Variants in CCDC183 observed in about 807,000 individuals in gnomAD.
CCDC183 encodes coiled-coil domain-containing protein 183.
Under a neutral mutation model 65.2 loss-of-function variants are expected in CCDC183, and 63 were observed. That is an observed-to-expected ratio of 0.97 (90% CI 0.79 to 1.19). The LOEUF (loss-of-function observed/expected upper bound fraction) is 1.19, where lower values mean the gene tolerates loss of function less well. Among genes scored for constraint, CCDC183 ranks in the 50% most tolerant of loss-of-function variants. The pLI, the probability that CCDC183 is intolerant of heterozygous loss-of-function variation, is 0.00. For missense variants in CCDC183, 769 were observed against 689.3 expected (o/e 1.12, Z -1.30); for synonymous variants, 323 against 276.5 (o/e 1.17, Z -1.67).
intron 1 of CCDC183, among the ~76,000 whole-genome samples, chr9:136,796,726 G>A (rs1847654153): frequency 6.6e-6 from 1 of 152,224 alleles, no homozygotes; most frequent in Admixed American, 6.5e-5. Flanking sequence ...GGGCCGTGCA[G>A]GATGTGCTTT....
intron 13 of CCDC183, 55 bp downstream of exon 13, chr9:136,807,121 C>A (rs1378400119): frequency 1.9e-6 from 3 of 1,548,186 alleles, no homozygotes; most frequent in African/African-American, 2.7e-5. Context: ...GAACACAGGT[C>A]GGGGTGGCGC....
At position 136,799,765 on chromosome 9, in the gene CCDC183, T is replaced by G. The variant is rs1485378947; in HGVS notation, c.245T>G (p.Leu82Arg). The change falls in exon 3 of 14, where the codon CTG becomes CGG. Residue 82 changes from leucine (L) to arginine (R), a missense_variant. Leu to Arg is a moderately radical substitution (Grantham distance 102). Coordinates refer to ENST00000338005, the MANE Select transcript of CCDC183 (RefSeq NM_001039374.5). ...KACGKNLPLR[L>R]AHCRSTMEVV... is the part of the protein sequence containing the mutation. Reference sequence around the variant, plus strand: ...TGCGGGAAAAACTTGCCTTTGCGACTGGCGCACTGCCGCAGCACCATGGAG... The same window carrying G: ...TGCGGGAAAAACTTGCCTTTGCGACGGGCGCACTGCCGCAGCACCATGGAG... The G allele has an allele frequency of 6.2e-7, 1 of 1,613,200 alleles. No homozygotes were observed. Among genetic ancestry groups the G allele is most frequent in the South Asian group, 1.1e-5 (1 of 91,082 alleles).
rs758109824 is a variant in CCDC183 at position 136,799,188 on chromosome 9, C to T, written c.157C>T (p.Arg53Cys). 5.0e-6 allele frequency: 8 copies of T among 1,610,654 alleles called. No homozygotes were observed. The highest frequency in any genetic ancestry group is 2.2e-5 in the East Asian group (1 of 44,874). Reference protein sequence around the residue: ...ATLALLRSNIRRGAQDWALAK... With the variant: ...ATLALLRSNICRGAQDWALAK... ...GCTGGCCCTCCTGCGCAGCAACATCCGCCGCGGGGCCCAGGACTGGGCTTT... is the reference window on the plus strand; with the variant it reads ...GCTGGCCCTCCTGCGCAGCAACATCTGCCGCGGGGCCCAGGACTGGGCTTT... Residue 53 changes from arginine (R) to cysteine (C), a missense_variant, in exon 2 of 14, where the codon CGC becomes TGC. Physicochemically the swap from Arg to Cys is radical, Grantham distance 180. Coordinates refer to ENST00000338005, the MANE Select transcript of CCDC183 (RefSeq NM_001039374.5).
intron 13 of CCDC183, 148 bp downstream of exon 13, chr9:136,807,214 G>A (rs2784098): frequency 0.8 from 557,343 of 696,078 alleles, 223,865 homozygotes; most frequent in East Asian, 0.87. Context: ...TTTAATTGAT[G>A]GAGGTGACTT....
rs1460455637 is a variant in CCDC183, at chr9:136,807,053, G to A, written c.1473G>A (p.Glu491=). The stretch of plus-strand genomic sequence containing the variant: ...CCAGGATCAGCTTTGAGAACCGGGA[G>A]GAGGATATGATCGGTACAGGCCCCG... ...YNTRISFENR[E]EDMIDTFQFP... The change falls in exon 13 of 14, where the codon GAG becomes GAA. Residue 491 remains glutamate (E), a synonymous_variant. Coordinates refer to ENST00000338005, the MANE Select transcript of CCDC183 (RefSeq NM_001039374.5). The A allele has an allele frequency of 6.2e-6, 10 of 1,613,260 alleles. No homozygotes were observed. The highest frequency in any genetic ancestry group is 1.7e-5 in the Admixed American group (1 of 60,024).
At chr9:136,796,830 G>T (rs1021087285) in intron 1 of CCDC183, among the ~76,000 whole-genome samples, 2 of 152,176 alleles carry the variant, frequency 1.3e-5, no homozygotes, top group Admixed American at 6.5e-5. Context: ...GCAGAAAGCC[G>T]CAGGGACCTC....
intron 13 of CCDC183, 181 bp from the exon 14 acceptor site, chr9:136,807,391 G>C: frequency 1.2e-6 from 1 of 812,836 alleles, no homozygotes; most frequent in Non-Finnish European, 1.9e-6. Context: ...CTGCGGGAAA[G>C]GCTAGGCAGG....
intron 5 of CCDC183, among the ~76,000 whole-genome samples, chr9:136,801,215 G>A (rs1270592769): frequency 6.6e-6 from 1 of 151,886 alleles, no homozygotes; most frequent in Non-Finnish European, 1.5e-5. Context: ...TCCCAGCCCA[G>A]GTGGCTCTCA....
At chr9:136,801,128 G>A (rs1429895030) in intron 5 of CCDC183, among the ~76,000 whole-genome samples, 1 of 152,178 alleles carries the variant, frequency 6.6e-6, no homozygotes, top group African/African-American at 2.4e-5. Context: ...CCATGCTTCG[G>A]GAAGGTGACA....
rs1162849779 is a variant in CCDC183, at chr9:136,804,236, G to A, written c.667-266G>A. On this transcript the variant is annotated intron_variant, in intron 6 of 13. Transcript: ENST00000338005. The surrounding 1 kb of genome is among the most constrained non-coding windows in gnomAD (Gnocchi z 4.1). Reference sequence around the variant, plus strand: ...GAATGCACTTCCGTGAGTTCTAGGTGGACCTGGCCAGGAGGCAGCTGGGGG... The same window carrying A: ...GAATGCACTTCCGTGAGTTCTAGGTAGACCTGGCCAGGAGGCAGCTGGGGG... The A allele has an allele frequency of 1.1e-5, 5 of 467,676 alleles. No homozygotes were observed. Among genetic ancestry groups the A allele is most frequent in the African/African-American group, 2.0e-5 (1 of 50,864 alleles). The allele number at this position is 467,676 out of a possible 1,614,324, so 29.0% of individuals were successfully genotyped here.
chr9:136,805,712 G>C (rs1179320956), intron 9 of CCDC183: 4 of 549,804 alleles, frequency 7.3e-6, no homozygotes, highest in South Asian at 2.3e-5. Context: ...ACACAAGCTT[G>C]TCCACTGTCA....
At position 136,804,618 on chromosome 9, in the gene CCDC183, G is replaced by A. The variant is rs1361503667; in HGVS notation, c.783G>A (p.Lys261=). Residue 261 remains lysine (K), a synonymous_variant, in exon 7 of 14, where the codon AAG becomes AAA. Coordinates refer to ENST00000338005, the MANE Select transcript of CCDC183 (RefSeq NM_001039374.5). This position sits in a 1 kb window ranked among gnomAD's most constrained non-coding sequence, Gnocchi z 4.1. ...TCCACACGAAGGAGACCAGCGAGAAGTACCGCCGGGTAAGCCCCAGGCCAG... is the reference window on the plus strand; with the variant it reads ...TCCACACGAAGGAGACCAGCGAGAAATACCGCCGGGTAAGCCCCAGGCCAG... ...DKIHTKETSE[K]YRRGQMDLDF... 2 of 1,613,698 alleles carry A rather than the reference G, an allele frequency of 1.2e-6. No individual in the cohort carries two copies. The highest frequency in any genetic ancestry group is 1.1e-5 in the South Asian group (1 of 91,086).
intron 5 of CCDC183, among the ~76,000 whole-genome samples, chr9:136,801,147 G>A (rs1406232373): frequency 6.6e-6 from 1 of 152,202 alleles, no homozygotes; most frequent in East Asian, 1.9e-4. Flanking sequence ...CAGCATGGAA[G>A]TGCAGTTTAG....
chr9:136,801,421 C>G (rs1847735752), intron 5 of CCDC183, among the ~76,000 whole-genome samples: 1 of 152,010 alleles, frequency 6.6e-6, no homozygotes, highest in Non-Finnish European at 1.5e-5. Flanking sequence ...ACAATTATTC[C>G]CGGCCTGGGC....
At chr9:136,807,355 C>A in intron 13 of CCDC183, 2 of 699,286 alleles carry the variant, frequency 2.9e-6, no homozygotes, top group Admixed American at 3.0e-5. Context: ...CGGTGAAGGC[C>A]TGGGCCGGAG....
chr9:136,807,677 AAAAG>A lies in CCDC183; in HGVS notation c.1595_1598del (p.Lys532ArgfsTer15). On this transcript the variant is annotated frameshift_variant, in exon 14 of 14. Coordinates refer to ENST00000338005, the MANE Select transcript of CCDC183 (RefSeq NM_001039374.5). LOFTEE classifies it high-confidence loss of function. ...GAGGGGAAGCTCAAGGCGGCCAAGA[AAAAG>A]AAGAAGTAGCCCCGCCGCCCCGCTC... 6.2e-7 allele frequency: 1 copy of A among 1,602,204 alleles called. No homozygotes were observed. Among genetic ancestry groups the A allele is most frequent in the Non-Finnish European group, 8.5e-7 (1 of 1,174,612 alleles).
At chr9:136,797,401 T>C (rs1462413648) in intron 1 of CCDC183, among the ~76,000 whole-genome samples, 1 of 150,722 alleles carries the variant, frequency 6.6e-6, no homozygotes, top group African/African-American at 2.4e-5. Context: ...AGTGTGCCAG[T>C]CCCCTGGGCC....
intron 1 of CCDC183, among the ~76,000 whole-genome samples, chr9:136,797,546 C>A (rs1415874210): frequency 6.6e-6 from 1 of 151,546 alleles, no homozygotes; most frequent in Admixed American, 6.6e-5. Flanking sequence ...TCACGTCATT[C>A]TCCTGCCTCA....
rs936059744 is a variant in CCDC183 at position 136,804,199 on chromosome 9, T to G, written c.667-303T>G. ...TTTTGGGGAAGAGGATGAATCTGTC[T>G]TCAGGCAGGCTGAATGCACTTCCGT... On this transcript the variant is annotated intron_variant, in intron 6 of 13. Transcript: ENST00000338005. The surrounding 1 kb of genome is among the most constrained non-coding windows in gnomAD (Gnocchi z 4.1). The G allele has an allele frequency of 8.4e-6, 3 of 359,246 alleles. No individual in the cohort carries two copies. Among genetic ancestry groups the G allele is most frequent in the Non-Finnish European group, 1.6e-5 (3 of 189,770 alleles). The allele number at this position is 359,246 out of a possible 1,614,324, so 22.3% of individuals were successfully genotyped here.
Sources: allele counts gnomAD v4.1 joint callset (sites outside exome capture counted in the v4.1 genomes callset), GRCh38; gene constraint gnomAD v4.1.1; non-coding constraint Gnocchi (gnomAD v3.1); transcripts MANE v1.5; gene names NCBI Gene and HGNC (gene_info 2026-07-23, HGNC 2026-07-21).